Variants in CYSLTR2 observed in about 807,000 individuals in gnomAD.
CYSLTR2 encodes the protein cysteinyl leukotriene receptor 2.
For missense variants in CYSLTR2, 398 were observed against 411.9 expected, an observed-to-expected ratio of 0.97 and a Z score of 0.29; for synonymous variants, 179 against 160.8, an observed-to-expected ratio of 1.11 and a Z score of -0.86.
At chr13:48,694,218 G>A (rs549216058) in intron 3 of CYSLTR2, among the ~76,000 whole-genome samples, 57 of 152,322 alleles carry the variant, frequency 3.7e-4, no homozygotes, top group African/African-American at 1.3e-3. Context: ...ATAAGACAGA[G>A]GAAGTCCTTA....
chr13:48,668,166 T>C (rs945312459), intron 1 of CYSLTR2, among the ~76,000 whole-genome samples: 1 of 151,770 alleles, frequency 6.6e-6, no homozygotes, highest in African/African-American at 2.4e-5. Flanking sequence ...CTGCCTGACA[T>C]ATATCCCCCA....
chr13:48,694,968 A>G (rs1383804348), intron 3 of CYSLTR2, among the ~76,000 whole-genome samples: 1 of 151,864 alleles, frequency 6.6e-6, no homozygotes, highest in Non-Finnish European at 1.5e-5. Flanking sequence ...GGAGATAATT[A>G]AAAATTCCCA....
At chr13:48,698,426 T>G (rs1168108410) in intron 4 of CYSLTR2, among the ~76,000 whole-genome samples, 1 of 152,146 alleles carries the variant, frequency 6.6e-6, no homozygotes, top group Non-Finnish European at 1.5e-5. Flanking sequence ...AAACTAAGCT[T>G]CATAAGTGAA....
At chr13:48,680,976 A>G (rs549173867) in intron 1 of CYSLTR2, among the ~76,000 whole-genome samples, 1 of 151,898 alleles carries the variant, frequency 6.6e-6, no homozygotes, top group East Asian at 1.9e-4. Context: ...GGTAGCCTTT[A>G]GCTATATGAG....
chr13:48,700,471 C>G (rs188537145), intron 4 of CYSLTR2, among the ~76,000 whole-genome samples: 19 of 152,088 alleles, frequency 1.2e-4, no homozygotes, highest in East Asian at 3.9e-4. Context: ...ATTCAACAAC[C>G]CTTCATGCTA....
intron 4 of CYSLTR2, among the ~76,000 whole-genome samples, chr13:48,704,414 A>G (rs908608514): frequency 6.6e-6 from 1 of 151,904 alleles, no homozygotes; most frequent in Non-Finnish European, 1.5e-5. Context: ...GATTGTATTG[A>G]CTTTTTTCAA....
In CYSLTR2 at chr13:48,706,944, A is replaced by G. The variant is rs1037416079; in HGVS notation, c.127A>G (p.Ile43Val). 6.2e-6 allele frequency: 10 copies of G among 1,614,072 alleles called. 1 individual carries two copies. The African/African-American group carries it at 8.0e-5, about 13-fold the overall frequency. The change falls in exon 5 of 5, where the codon ATT (isoleucine) becomes GTT (valine). Residue 43 changes from isoleucine (I) to valine (V), a missense_variant. Transcript: ENST00000682523. Reference protein sequence around the residue: ...IENFKREFFPIVYLIIFFWGV... With the variant: ...IENFKREFFPVVYLIIFFWGV... ...AAACTTCAAGAGAGAATTTTTCCCAATTGTATATCTGATAATATTTTTCTG... is the reference window on the plus strand; with the variant it reads ...AAACTTCAAGAGAGAATTTTTCCCAGTTGTATATCTGATAATATTTTTCTG...
chr13:48,695,138 G>A (rs1455366482), intron 3 of CYSLTR2, among the ~76,000 whole-genome samples: 1 of 123,542 alleles, frequency 8.1e-6, no homozygotes, highest in Admixed American at 1.0e-4. Flanking sequence ...GCAACTGTGT[G>A]ATCACAGTTC....
intron 1 of CYSLTR2, among the ~76,000 whole-genome samples, chr13:48,679,002 G>A (rs1348910309): frequency 6.6e-6 from 1 of 152,102 alleles, no homozygotes; most frequent in Non-Finnish European, 1.5e-5. Context: ...CCACATTTCA[G>A]AGGCTCTCAC....
chr13:48,702,007 A>G (rs1018775014), intron 4 of CYSLTR2, among the ~76,000 whole-genome samples: 1 of 152,126 alleles, frequency 6.6e-6, no homozygotes, highest in African/African-American at 2.4e-5. Context: ...ACTTGGAACC[A>G]ACCCAAATGT....
chr13:48,683,054 C>T (rs1329341773), intron 1 of CYSLTR2, among the ~76,000 whole-genome samples: 5 of 152,114 alleles, frequency 3.3e-5, no homozygotes, highest in African/African-American at 1.2e-4. Flanking sequence ...GCAAAGGACA[C>T]GATCTCATTC....
chr13:48,684,585 A>G (rs1406476636), intron 1 of CYSLTR2, among the ~76,000 whole-genome samples: 1 of 152,030 alleles, frequency 6.6e-6, no homozygotes. Context: ...CTTAGTGCCA[A>G]GTACCCTGTG....
chr13:48,680,146 C>T (rs778809374), intron 1 of CYSLTR2, among the ~76,000 whole-genome samples: 26 of 152,132 alleles, frequency 1.7e-4, no homozygotes, highest in East Asian at 5.8e-4. Flanking sequence ...ACACTGCTTG[C>T]GGCTATTCTG....
chr13:48,681,028 G>A (rs567669491), intron 1 of CYSLTR2, among the ~76,000 whole-genome samples: 2 of 151,700 alleles, frequency 1.3e-5, no homozygotes, highest in South Asian at 2.1e-4. Context: ...TTTTCCTTTA[G>A]CTTTCTGGGG....
intron 1 of CYSLTR2, among the ~76,000 whole-genome samples, chr13:48,687,544 A>G (rs1053844331): frequency 2.0e-5 from 3 of 152,062 alleles, no homozygotes; most frequent in African/African-American, 7.2e-5. Flanking sequence ...ATTATCTATC[A>G]TCTATCAATT....
chr13:48,677,350 C>A (rs372197375), intron 1 of CYSLTR2, among the ~76,000 whole-genome samples: 5 of 152,194 alleles, frequency 3.3e-5, no homozygotes, highest in African/African-American at 1.2e-4. Context: ...CAAAAAACGA[C>A]ACCAGAGTCC....
chr13:48,678,224 G>A (rs1205494758), intron 1 of CYSLTR2, among the ~76,000 whole-genome samples: 2 of 152,032 alleles, frequency 1.3e-5, no homozygotes, highest in African/African-American at 4.8e-5. Flanking sequence ...GGCAAGGCTG[G>A]TCTCAAACTC....
In CYSLTR2 at chr13:48,709,099, A is replaced by T. The variant is rs200815370; in HGVS notation, c.*1241A>T. 1 of 167,120 alleles carries T rather than the reference A, an allele frequency of 6.0e-6. No homozygotes were observed. The highest frequency in any genetic ancestry group is 1.5e-5 in the Non-Finnish European group (1 of 68,132). 10.4% of individuals were successfully genotyped at this position (167,120 alleles called of 1,614,324 possible). On this transcript the variant is annotated 3_prime_UTR_variant, in exon 5 of 5. Transcript: ENST00000682523. The stretch of plus-strand genomic sequence containing the variant: ...GAAATTAAGAAGCTTGTTTAAGTTT[A>T]CACAGCTAGTAAGAGTTTTAAAAAT...
intron 1 of CYSLTR2, among the ~76,000 whole-genome samples, chr13:48,678,960 AGT>A (rs1266273300): frequency 4.6e-5 from 7 of 152,096 alleles, no homozygotes; most frequent in African/African-American, 1.7e-4. Flanking sequence ...ATCTGCTGCC[AGT>A]GTCACCTCTC....
Sources: allele counts gnomAD v4.1 joint callset (sites outside exome capture counted in the v4.1 genomes callset), GRCh38; gene constraint gnomAD v4.1.1; transcripts MANE v1.5; gene names NCBI Gene and HGNC (gene_info 2026-07-23, HGNC 2026-07-21).